The following PHF24 variants were observed in gnomAD, a reference collection of about 807,000 sequenced individuals.
The protein encoded by PHF24 is PHD finger protein 24.
A neutral mutation model predicts 42.6 loss-of-function variants in PHF24; 25 were observed. The observed-to-expected ratio is 0.59, with a 90% CI of 0.43 to 0.82. The LOEUF (loss-of-function observed/expected upper bound fraction) is 0.82, where lower values mean the gene tolerates loss of function less well. Among genes scored for constraint, PHF24 ranks in the 40% least tolerant of loss-of-function variants. The probability of loss-of-function intolerance (pLI) is 0.00; values close to 1 mark genes in which losing one functional copy is unlikely to be tolerated. For synonymous variants in PHF24, 185 were observed against 204.8 expected (o/e 0.90, Z 0.83); for missense variants, 470 against 538.1 (o/e 0.87, Z 1.25).
At chr9:34,767,719 C>T in the PHF24 span, among the ~76,000 whole-genome samples, 8 of 152,350 alleles carry the variant, frequency 5.3e-5, no homozygotes, top group South Asian at 4.1e-4. Flanking sequence ...CACTGTCCTG[C>T]GCCCACTGTC....
the PHF24 span, among the ~76,000 whole-genome samples, chr9:34,813,260 C>T: frequency 6.6e-6 from 1 of 152,192 alleles, no homozygotes. Context: ...GCACATTAAG[C>T]AGGTGCTGTT....
chr9:34,826,163 A>G, the PHF24 span, among the ~76,000 whole-genome samples: 1 of 151,962 alleles, frequency 6.6e-6, no homozygotes, highest in Non-Finnish European at 1.5e-5. Context: ...ATGCTCTCCC[A>G]GGGTCCTGGC....
the PHF24 span, among the ~76,000 whole-genome samples, chr9:34,893,404 C>G: frequency 1.3e-5 from 2 of 152,034 alleles, no homozygotes; most frequent in African/African-American, 4.8e-5. Context: ...AGTTCGAGAT[C>G]AGCCTGGCCA....
chr9:34,842,561 C>T, the PHF24 span, among the ~76,000 whole-genome samples: 1 of 152,132 alleles, frequency 6.6e-6, no homozygotes, highest in Admixed American at 6.6e-5. Flanking sequence ...TTTGCCCCTC[C>T]CACCATATGA....
chr9:34,895,136 A>G, the PHF24 span: 3 of 398,354 alleles, frequency 7.5e-6, no homozygotes, highest in East Asian at 1.1e-4. Flanking sequence ...TTTTTCCCAT[A>G]TCTAAAATGA....
intron 1 of PHF24, among the ~76,000 whole-genome samples, chr9:34,969,426 G>A (rs1167167689): frequency 6.6e-6 from 1 of 151,846 alleles, no homozygotes. Context: ...CGGATCATGA[G>A]GTCAGGAGAT....
At chr9:34,782,225 A>G in the PHF24 span, among the ~76,000 whole-genome samples, 1 of 152,198 alleles carries the variant, frequency 6.6e-6, no homozygotes, top group African/African-American at 2.4e-5. Context: ...GTCACATGTC[A>G]GAGGCCTGAA....
the PHF24 span, among the ~76,000 whole-genome samples, chr9:34,729,915 G>A: frequency 6.6e-6 from 1 of 152,298 alleles, no homozygotes; most frequent in Non-Finnish European, 1.5e-5. Context: ...CTTGGAAATG[G>A]AGATCTTTGA....
At chr9:34,898,757 C>G in the PHF24 span, among the ~76,000 whole-genome samples, 1 of 152,190 alleles carries the variant, frequency 6.6e-6, no homozygotes, top group Non-Finnish European at 1.5e-5. Context: ...GTTTTGTCAC[C>G]CATTAGCCTG....
the PHF24 span, among the ~76,000 whole-genome samples, chr9:34,737,782 T>C: frequency 6.6e-6 from 1 of 152,212 alleles, no homozygotes; most frequent in Non-Finnish European, 1.5e-5. Context: ...TTTCCAAAAA[T>C]TGACACGATA....
At chr9:34,736,242 G>A in the PHF24 span, among the ~76,000 whole-genome samples, 13 of 152,094 alleles carry the variant, frequency 8.5e-5, no homozygotes, top group Middle Eastern at 0.01. Flanking sequence ...CATCCCAGGA[G>A]AAAAGAAAGA....
the PHF24 span, among the ~76,000 whole-genome samples, chr9:34,793,159 A>G: frequency 6.6e-6 from 1 of 152,082 alleles, no homozygotes; most frequent in African/African-American, 2.4e-5. Flanking sequence ...TGTCTCTATC[A>G]TAGAACAAAA....
chr9:34,776,826 C>T, the PHF24 span, among the ~76,000 whole-genome samples: 1 of 152,184 alleles, frequency 6.6e-6, no homozygotes, highest in African/African-American at 2.4e-5. Context: ...ACAATTGGGA[C>T]AACACAATTG....
At chr9:34,707,989 C>G in the PHF24 span, among the ~76,000 whole-genome samples, 1 of 152,190 alleles carries the variant, frequency 6.6e-6, no homozygotes, top group Non-Finnish European at 1.5e-5. Flanking sequence ...CTTGGCCTCC[C>G]AAAGTGCTGG....
rs1234401851 is a variant in PHF24, at chr9:34,972,448, C to T, written c.481C>T (p.Arg161Cys). ...GGTTTTCCATGATGGCTGCCTGCGC[C>T]GCATGGGCTACATCCAAGGAGACAG... The change falls in exon 3 of 8, where the codon CGC becomes TGC. Residue 161 changes from arginine (R) to cysteine (C), a missense_variant. Coordinates refer to ENST00000242315, the Ensembl canonical transcript of PHF24. 9 of 1,614,028 alleles carry T rather than the reference C, an allele frequency of 5.6e-6. No homozygotes were observed. Among genetic ancestry groups the T allele is most frequent in the Middle Eastern group, 1.6e-4 (1 of 6,080 alleles).
the PHF24 span, chr9:34,690,030 T>A: frequency 6.2e-7 from 1 of 1,613,170 alleles, no homozygotes. Flanking sequence ...GAACCTGGGG[T>A]GAGAGGCCGG....
chr9:34,835,763 A>T, the PHF24 span: 58 of 1,551,050 alleles, frequency 3.7e-5, no homozygotes, highest in Non-Finnish European at 5.1e-5. Context: ...TGGGTTAAAG[A>T]TTTCTGATCT....
At chr9:34,965,071 T>A (rs769886869) in intron 1 of PHF24, among the ~76,000 whole-genome samples, 2 of 152,214 alleles carry the variant, frequency 1.3e-5, no homozygotes, top group Non-Finnish European at 2.9e-5. Context: ...TAGGACTTAT[T>A]CCAGCACAGG....
At chr9:34,840,501 C>T in the PHF24 span, among the ~76,000 whole-genome samples, 1 of 132,958 alleles carries the variant, frequency 7.5e-6, no homozygotes, top group African/African-American at 2.8e-5. Context: ...CCCTCCCTCC[C>T]TTCCTTCCTT....
Sources: allele counts gnomAD v4.1 joint callset (sites outside exome capture counted in the v4.1 genomes callset), GRCh38; gene constraint gnomAD v4.1.1; transcripts MANE v1.5; gene names NCBI Gene and HGNC (gene_info 2026-07-23, HGNC 2026-07-21).